Variants in HERC1 observed in about 807,000 individuals in gnomAD.
HERC1 encodes probable E3 ubiquitin-protein ligase HERC1.
HERC1 carries 160 observed loss-of-function variants against 554.3 expected under a neutral mutation model. The observed-to-expected ratio is 0.29, with a 90% CI of 0.25 to 0.33. The LOEUF is 0.33. Ranked by LOEUF, HERC1 falls within the 10% of genes least tolerant of loss-of-function variation. HERC1 has a pLI of 1.00. For synonymous variants in HERC1, 2,175 were observed against 2,131.7 expected (o/e 1.02, Z -0.56); for missense variants, 4,919 against 5,918.5 (o/e 0.83, Z 5.54).
At position 63,686,553 on chromosome 15, in the gene HERC1, G is replaced by T; in HGVS notation, c.6049-18C>A. The T allele has an allele frequency of 6.2e-7, 1 of 1,605,208 alleles. No homozygotes were observed. The highest frequency in any genetic ancestry group is 8.5e-7 in the Non-Finnish European group (1 of 1,176,574). On this transcript the variant is annotated intron_variant, in intron 33 of 77. Coordinates refer to ENST00000443617, the MANE Select transcript of HERC1 (RefSeq NM_003922.4). The stretch of plus-strand genomic sequence containing the variant: ...CCCTGCTTCTACCAGAAAAGAAGCT[G>T]GGTCAGCATTTTGGAATAATCCATG...
chr15:63,624,131 T>C, intron 72 of HERC1, 27 bp downstream of exon 72: 3 of 1,560,492 alleles, frequency 1.9e-6, no homozygotes, highest in East Asian at 4.5e-5. Context: ...CACAGCTCAT[T>C]AGTCAAACAC....
intron 59 of HERC1, among the ~76,000 whole-genome samples, chr15:63,642,281 T>C (rs2069105099): frequency 6.6e-6 from 1 of 152,234 alleles, no homozygotes; most frequent in African/African-American, 2.4e-5. Flanking sequence ...ATATATTTTG[T>C]ATACTTAGTT....
intron 34 of HERC1, among the ~76,000 whole-genome samples, chr15:63,685,286 G>A (rs756594102): frequency 6.6e-6 from 1 of 152,272 alleles, no homozygotes; most frequent in Admixed American, 6.5e-5. Flanking sequence ...TATTCAGACT[G>A]AACTGGGAGC....
chr15:63,737,516 GATATATATAT>G (rs754808106), intron 12 of HERC1, among the ~76,000 whole-genome samples: 478 of 46,442 alleles, frequency 0.01, 88 homozygotes, highest in African/African-American at 0.037. Flanking sequence ...CTTTTTTCCA[GATATATATAT>G]ATATATATAT....
chr15:63,680,588 G>A lies in HERC1; in HGVS notation c.6414C>T (p.Thr2138=). The change falls in exon 35 of 78, where the codon ACC becomes ACT. Residue 2138 remains threonine, a synonymous_variant. Coordinates refer to ENST00000443617, the MANE Select transcript of HERC1 (RefSeq NM_003922.4). The surrounding 1 kb of genome is among the most constrained non-coding windows in gnomAD (Gnocchi z 5.8). ...LSSFTQGDFI[T]CVLDMEARTI... is the part of the protein sequence containing the mutation. ...TCCTGGCTTCCATGTCTAACACACA[G>A]GTAATGAAATCTCCTTGAGTAAAGC... is the stretch of plus-strand genomic sequence containing the variant. The A allele has an allele frequency of 6.2e-7, 1 of 1,613,726 alleles. No individual in the cohort carries two copies. Among genetic ancestry groups the A allele is most frequent in the Non-Finnish European group, 8.5e-7 (1 of 1,179,718 alleles).
intron 8 of HERC1, 168 bp downstream of exon 8, chr15:63,752,777 AGGTTAGAAAACCT>A: frequency 1.9e-6 from 1 of 521,118 alleles, no homozygotes; most frequent in Non-Finnish European, 3.3e-6. Flanking sequence ...CACATATGCC[AGGTTAGAAAACCT>A]GGTTCCTTCT....
intron 24 of HERC1, among the ~76,000 whole-genome samples, chr15:63,709,319 T>C (rs978309447): frequency 1.3e-5 from 2 of 152,194 alleles, no homozygotes; most frequent in Admixed American, 1.3e-4. Flanking sequence ...CCAATCTTTT[T>C]TAAAAATGGG....
At chr15:63,757,531 T>C (rs1178081863) in intron 4 of HERC1, among the ~76,000 whole-genome samples, 1 of 152,154 alleles carries the variant, frequency 6.6e-6, no homozygotes, top group African/African-American at 2.4e-5. Context: ...CCTCCCAAAG[T>C]GCTGGGATTA....
chr15:63,774,377 C>T (rs1356964690), intron 2 of HERC1, among the ~76,000 whole-genome samples: 1 of 152,034 alleles, frequency 6.6e-6, no homozygotes, highest in African/African-American at 2.4e-5. Context: ...TAAAGACCTG[C>T]TGATCACTAG....
chr15:63,737,071 G>C (rs538546639), intron 12 of HERC1, among the ~76,000 whole-genome samples: 1 of 151,608 alleles, frequency 6.6e-6, no homozygotes, highest in South Asian at 2.1e-4. Context: ...AAAAGTGTAA[G>C]ACAGAACGGG....
Position 63,734,866 on chromosome 15 carries a change from A to C in HERC1, c.2521-17T>G. On this transcript the variant is annotated splice_polypyrimidine_tract_variant and intron_variant, in intron 12 of 77. Coordinates refer to ENST00000443617, the MANE Select transcript of HERC1 (RefSeq NM_003922.4). This position sits in a 1 kb window ranked among gnomAD's most constrained non-coding sequence, Gnocchi z 4.6. ...AATTACCACCTAATATCAAAAGAGA[A>C]AAGTATACTGATTGGCCTGGTTCTT... 1 of 1,604,592 alleles carries C rather than the reference A, an allele frequency of 6.2e-7. No individual in the cohort carries two copies.
At chr15:63,704,941 T>C (rs2072924941) in intron 25 of HERC1, among the ~76,000 whole-genome samples, 1 of 151,964 alleles carries the variant, frequency 6.6e-6, no homozygotes, top group African/African-American at 2.4e-5. Flanking sequence ...GGTTTCACCA[T>C]GTTAGCCAGG....
At chr15:63,802,580 A>G (rs2077027502) in intron 1 of HERC1, among the ~76,000 whole-genome samples, 1 of 151,960 alleles carries the variant, frequency 6.6e-6, no homozygotes, top group Non-Finnish European at 1.5e-5. Context: ...GTAAAAATTT[A>G]TAACACTAAA....
rs1270005461 is a variant in HERC1 at position 63,630,459 on chromosome 15, T to C, written c.12966+7A>G. 1.2e-6 allele frequency: 2 copies of C among 1,608,418 alleles called. No individual in the cohort carries two copies. The highest frequency in any genetic ancestry group is 1.7e-5 in the Admixed American group (1 of 58,850). On this transcript the variant is annotated splice_region_variant and intron_variant, in intron 69 of 77. Transcript: ENST00000443617. Reference sequence around the variant, plus strand: ...ATGAGAAAGCAGCAAGCAATATAAATATTTACCTGCCCTTCTGAATTGCTC... The same window carrying C: ...ATGAGAAAGCAGCAAGCAATATAAACATTTACCTGCCCTTCTGAATTGCTC...
rs192400762 is a variant in HERC1, at chr15:63,775,986, C to T, written c.-26-337G>A. ...CTGGGAGGCGGAGGTTGCAGTGAGC[C>T]GAGATCGCGCCACTGCACTCCAGCC... On this transcript the variant is annotated intron_variant, in intron 1 of 77. Transcript: ENST00000443617. This position sits in a 1 kb window ranked among gnomAD's most constrained non-coding sequence, Gnocchi z 4.0. Among the ~76,000 whole-genome samples the T allele has an allele frequency of 0.016, 2,390 of 149,422 alleles. 32 individuals carry two copies. Among genetic ancestry groups the T allele is most frequent in the Non-Finnish European group, 0.023 (1,560 of 67,690 alleles).
chr15:63,638,775 T>A lies in HERC1; in HGVS notation c.11903A>T (p.Asp3968Val). The change falls in exon 62 of 78, where the codon GAT (aspartate) becomes GTT (valine). Residue 3968 changes from aspartate (D) to valine (V), a missense_variant and splice_region_variant. By Grantham distance (152) the Asp-to-Val change is radical. Coordinates refer to ENST00000443617, the MANE Select transcript of HERC1 (RefSeq NM_003922.4). ...VPEDELVFLM[D>V]NSKWINGMDE... Reference sequence around the variant, plus strand: ...CATGCCGTTAATCCATTTACTGTTATCCTGAAAAACAGGGGGTACATAATG... The same window carrying A: ...CATGCCGTTAATCCATTTACTGTTAACCTGAAAAACAGGGGGTACATAATG... 2 of 1,613,176 alleles carry A rather than the reference T, an allele frequency of 1.2e-6. No individual in the cohort carries two copies. The highest frequency in any genetic ancestry group is 1.7e-6 in the Non-Finnish European group (2 of 1,179,166).
chr15:63,782,813 G>T (rs964718040), intron 1 of HERC1, among the ~76,000 whole-genome samples: 1 of 152,228 alleles, frequency 6.6e-6, no homozygotes, highest in Non-Finnish European at 1.5e-5. Context: ...ATATTAACAA[G>T]AGTTTGGAAG....
At chr15:63,697,452 T>C (rs1392619334) in intron 26 of HERC1, among the ~76,000 whole-genome samples, 2 of 22,808 alleles carry the variant, frequency 8.8e-5, no homozygotes, top group Non-Finnish European at 4.2e-4. Flanking sequence ...TAATCTTGAT[T>C]TTTTTTTTTT....
In HERC1 at chr15:63,674,604, A is replaced by G. The variant is rs1484795736; in HGVS notation, c.7584T>C (p.Tyr2528=). 9 of 1,612,980 alleles carry G rather than the reference A, an allele frequency of 5.6e-6. No individual in the cohort carries two copies. The East Asian group carries it at 2.0e-4, about 36-fold the overall frequency. Residue 2528 remains tyrosine, a synonymous_variant, in exon 38 of 78, where the codon TAT becomes TAC. Transcript: ENST00000443617. ...SLSALLGCSK[Y]AELLLIPKVL... ...CTTTTGGTATCAGCAACAGCTCAGCATATTTACTACAGCCAAGAAGGGCAC... is the reference window on the plus strand; with the variant it reads ...CTTTTGGTATCAGCAACAGCTCAGCGTATTTACTACAGCCAAGAAGGGCAC...
Sources: allele counts gnomAD v4.1 joint callset (sites outside exome capture counted in the v4.1 genomes callset), GRCh38; gene constraint gnomAD v4.1.1; non-coding constraint Gnocchi (gnomAD v3.1); transcripts MANE v1.5; gene names NCBI Gene and HGNC (gene_info 2026-07-23, HGNC 2026-07-21).